KCTD16: variants seen among roughly 807,000 people sequenced by gnomAD.
KCTD16 encodes potassium channel tetramerization domain containing 16, also known as BTB/POZ domain-containing protein KCTD16.
Under a neutral mutation model 33.2 loss-of-function variants are expected in KCTD16, and 13 were observed. The observed-to-expected ratio is 0.39, with a 90% CI of 0.25 to 0.62. KCTD16 has a LOEUF of 0.62. Among genes scored for constraint, KCTD16 ranks in the 20% least tolerant of loss-of-function variants. The pLI is 0.50. For synonymous variants in KCTD16, 197 were observed against 195.3 expected, an observed-to-expected ratio of 1.01 and a Z score of -0.07; for missense variants, 441 against 525.1, an observed-to-expected ratio of 0.84 and a Z score of 1.57.
chr5:144,461,436 A>G (rs1486798426), intron 3 of KCTD16, among the ~76,000 whole-genome samples: 2 of 152,152 alleles, frequency 1.3e-5, no homozygotes, highest in Admixed American at 1.3e-4. Flanking sequence ...ACCACTCTGA[A>G]CACTTCTCTC....
chr5:144,337,081 A>G (rs907135205), intron 3 of KCTD16, among the ~76,000 whole-genome samples: 3 of 151,826 alleles, frequency 2.0e-5, no homozygotes, highest in Non-Finnish European at 2.9e-5. Flanking sequence ...TTACTGTCCT[A>G]GTAACTACTA....
At chr5:144,433,818 A>G (rs1438483459) in intron 3 of KCTD16, among the ~76,000 whole-genome samples, 1 of 152,086 alleles carries the variant, frequency 6.6e-6, no homozygotes, top group Non-Finnish European at 1.5e-5. Context: ...ATACTACATC[A>G]TACTCTTTTG....
At chr5:144,459,536 G>C (rs987281529) in intron 3 of KCTD16, among the ~76,000 whole-genome samples, 5 of 151,850 alleles carry the variant, frequency 3.3e-5, no homozygotes, top group African/African-American at 1.2e-4. Flanking sequence ...TTTTAGTAGA[G>C]ACAAGGTTTC....
chr5:144,228,981 T>C (rs1754016643), intron 3 of KCTD16, among the ~76,000 whole-genome samples: 1 of 152,206 alleles, frequency 6.6e-6, no homozygotes, highest in Non-Finnish European at 1.5e-5. Context: ...AGTCCAGGAC[T>C]GTGGGAGAGT....
intron 3 of KCTD16, among the ~76,000 whole-genome samples, chr5:144,269,931 T>C (rs973067537): frequency 5.3e-5 from 8 of 152,030 alleles, no homozygotes; most frequent in Non-Finnish European, 1.0e-4. Context: ...GTTACAACTT[T>C]AGGATGTTAA....
chr5:144,464,525 C>T (rs1754273213), intron 3 of KCTD16, among the ~76,000 whole-genome samples: 1 of 152,138 alleles, frequency 6.6e-6, no homozygotes, highest in African/African-American at 2.4e-5. Context: ...AGGATGGCCC[C>T]ACAAGGAATG....
At chr5:144,244,122 C>T (rs1754483743) in intron 3 of KCTD16, among the ~76,000 whole-genome samples, 1 of 152,060 alleles carries the variant, frequency 6.6e-6, no homozygotes, top group South Asian at 2.1e-4. Flanking sequence ...TCTAAGACTC[C>T]CCACTCTTTG....
chr5:144,360,645 T>G (rs973281437), intron 3 of KCTD16, among the ~76,000 whole-genome samples: 2 of 152,154 alleles, frequency 1.3e-5, no homozygotes, highest in Non-Finnish European at 2.9e-5. Flanking sequence ...TTGGCCAGGC[T>G]GCTCTCAAAC....
intron 3 of KCTD16, among the ~76,000 whole-genome samples, chr5:144,412,400 G>A (rs1363216487): frequency 6.6e-6 from 1 of 152,190 alleles, no homozygotes; most frequent in Non-Finnish European, 1.5e-5. Flanking sequence ...AAGTCATTAT[G>A]TTAAGTGAAA....
At chr5:144,407,204 T>TTG (rs10651036) in intron 3 of KCTD16, among the ~76,000 whole-genome samples, 4,158 of 150,744 alleles carry the variant, frequency 0.028, 203 homozygotes, top group African/African-American at 0.097. Context: ...AATTCCTGTT[T>TTG]TTTTTTTTTT....
At chr5:144,428,040 C>A (rs974757225) in intron 3 of KCTD16, among the ~76,000 whole-genome samples, 1 of 152,100 alleles carries the variant, frequency 6.6e-6, no homozygotes, top group South Asian at 2.1e-4. Flanking sequence ...CCCTTCATAG[C>A]CCTTGACTTG....
chr5:144,218,666 T>C (rs530253306), intron 3 of KCTD16, among the ~76,000 whole-genome samples: 1 of 152,298 alleles, frequency 6.6e-6, no homozygotes, highest in Admixed American at 6.5e-5. Flanking sequence ...GAGTACTTTA[T>C]ATTTCTAGTC....
chr5:144,332,538 G>A (rs759382025), intron 3 of KCTD16, among the ~76,000 whole-genome samples: 1 of 152,166 alleles, frequency 6.6e-6, no homozygotes, highest in Non-Finnish European at 1.5e-5. Context: ...GCAATGCTGA[G>A]ATACTTTACT....
intron 3 of KCTD16, among the ~76,000 whole-genome samples, chr5:144,299,095 TG>T (rs2126868164): frequency 8.0e-5 from 1 of 12,488 alleles, no homozygotes; most frequent in South Asian, 2.8e-3. Context: ...TATATCACTA[TG>T]TATATATATA....
intron 3 of KCTD16, among the ~76,000 whole-genome samples, chr5:144,286,428 AG>A (rs1755747773): frequency 6.6e-6 from 1 of 152,186 alleles, no homozygotes; most frequent in African/African-American, 2.4e-5. Context: ...ATGGAAGAAA[AG>A]TCACTTAACA....
chr5:144,428,423 G>A (rs543640224), intron 3 of KCTD16, among the ~76,000 whole-genome samples: 1 of 152,216 alleles, frequency 6.6e-6, no homozygotes, highest in South Asian at 2.1e-4. Context: ...GATAAATCTA[G>A]GTAGATTACC....
intron 3 of KCTD16, among the ~76,000 whole-genome samples, chr5:144,332,589 C>T (rs1752386921): frequency 6.6e-6 from 1 of 152,182 alleles, no homozygotes; most frequent in Admixed American, 6.5e-5. Flanking sequence ...CACTGGCTGA[C>T]AAGACCCTGA....
chr5:144,192,011 G>T (rs182174760), intron 2 of KCTD16, among the ~76,000 whole-genome samples: 1 of 152,110 alleles, frequency 6.6e-6, no homozygotes, highest in Non-Finnish European at 1.5e-5. Flanking sequence ...ACAGTGAGAA[G>T]GGATCAGTTT....
chr5:144,213,729 A>G (rs1220004084), intron 3 of KCTD16, among the ~76,000 whole-genome samples: 1 of 152,072 alleles, frequency 6.6e-6, no homozygotes, highest in Non-Finnish European at 1.5e-5. Flanking sequence ...GCATGTTTTT[A>G]TTGTTAGCTT....
Sources: allele counts gnomAD v4.1 joint callset (sites outside exome capture counted in the v4.1 genomes callset), GRCh38; gene constraint gnomAD v4.1.1; transcripts MANE v1.5; gene names NCBI Gene and HGNC (gene_info 2026-07-23, HGNC 2026-07-21).